Variants in DLG1 observed in about 807,000 individuals in gnomAD.
DLG1 encodes discs large MAGUK scaffold protein 1, also known as disks large homolog 1.
DLG1 carries 42 observed loss-of-function variants against 123.4 expected under a neutral mutation model. That is an observed-to-expected ratio of 0.34 (90% CI 0.27 to 0.44). The LOEUF is 0.44. Ranked by LOEUF, DLG1 falls within the 20% of genes least tolerant of loss-of-function variation. The pLI is 1.00. For missense variants in DLG1, 942 were observed against 1,082.6 expected (o/e 0.87, Z 1.82); for synonymous variants, 317 against 356.2 (o/e 0.89, Z 1.24).
chr3:197,155,887 T>C (rs1796208616), intron 5 of DLG1, among the ~76,000 whole-genome samples: 1 of 152,182 alleles, frequency 6.6e-6, no homozygotes, highest in African/African-American at 2.4e-5. Flanking sequence ...AGGTTGAGGC[T>C]GCAGTGAGCT....
chr3:197,229,585 T>C (rs995736712), intron 4 of DLG1, among the ~76,000 whole-genome samples: 4 of 152,152 alleles, frequency 2.6e-5, no homozygotes, highest in African/African-American at 4.8e-5. Flanking sequence ...CCTCGTTGGA[T>C]ATTAATCAGT....
chr3:197,115,454 C>T (rs1772708486), intron 13 of DLG1, among the ~76,000 whole-genome samples: 2 of 151,222 alleles, frequency 1.3e-5, no homozygotes, highest in African/African-American at 4.9e-5. Context: ...ATGTTCATTA[C>T]ATAATAACAA....
chr3:197,248,680 G>A (rs1036748060), intron 4 of DLG1, among the ~76,000 whole-genome samples: 4 of 152,216 alleles, frequency 2.6e-5, no homozygotes, highest in Non-Finnish European at 4.4e-5. Context: ...AATCTAAACT[G>A]ATCCCGACTG....
intron 4 of DLG1, among the ~76,000 whole-genome samples, chr3:197,200,867 C>T (rs892767011): frequency 6.6e-6 from 1 of 152,104 alleles, no homozygotes; most frequent in Admixed American, 6.6e-5. Context: ...AACACACCCA[C>T]AGTCAACATT....
intron 23 of DLG1, among the ~76,000 whole-genome samples, chr3:197,053,203 T>C (rs1460828699): frequency 1.3e-5 from 2 of 152,220 alleles, no homozygotes; most frequent in African/African-American, 4.8e-5. Flanking sequence ...CTTCAATATT[T>C]TGCCATTAAT....
intron 4 of DLG1, among the ~76,000 whole-genome samples, chr3:197,279,914 C>T (rs575485413): frequency 2.6e-4 from 39 of 152,212 alleles, no homozygotes; most frequent in African/African-American, 8.4e-4. Context: ...ATATTTGGTA[C>T]GTGCATACAA....
chr3:197,274,208 T>C (rs1289754413), intron 4 of DLG1, among the ~76,000 whole-genome samples: 4 of 152,134 alleles, frequency 2.6e-5, no homozygotes, highest in South Asian at 2.1e-4. Flanking sequence ...ACTACAAAGC[T>C]ACAGTCACCA....
At chr3:197,267,232 C>T (rs1365975017) in intron 4 of DLG1, among the ~76,000 whole-genome samples, 1 of 152,046 alleles carries the variant, frequency 6.6e-6, no homozygotes, top group Non-Finnish European at 1.5e-5. Flanking sequence ...TGAAGGAAAA[C>T]CAACAGGTCA....
chr3:197,081,751 T>C (rs1290256137), intron 16 of DLG1, among the ~76,000 whole-genome samples: 3 of 152,180 alleles, frequency 2.0e-5, no homozygotes, highest in South Asian at 2.1e-4. Context: ...TCTTTACCCC[T>C]ATGGAGGTGA....
intron 4 of DLG1, among the ~76,000 whole-genome samples, chr3:197,234,441 TCTTA>T (rs1435571094): frequency 1.3e-5 from 2 of 152,200 alleles, no homozygotes; most frequent in Admixed American, 1.3e-4. Context: ...TGACTGGAGA[TCTTA>T]CTTTTGAAAA....
chr3:197,081,207 G>A, intron 16 of DLG1, 90 bp from the exon 17 acceptor site: 1 of 1,207,458 alleles, frequency 8.3e-7, no homozygotes, highest in East Asian at 2.4e-5. Context: ...TTTATAATGG[G>A]CATTTTTATA....
At chr3:197,116,170 A>G (rs923266970) in intron 12 of DLG1, 87 bp from the exon 13 acceptor site, 42 of 1,045,664 alleles carry the variant, frequency 4.0e-5, no homozygotes, top group Non-Finnish European at 5.8e-5. Context: ...GATAATTTTT[A>G]TGTTATCAAA....
At chr3:197,281,701 G>C (rs1248020991) in intron 4 of DLG1, among the ~76,000 whole-genome samples, 1 of 152,158 alleles carries the variant, frequency 6.6e-6, no homozygotes, top group African/African-American at 2.4e-5. Flanking sequence ...CTGTGAGTTG[G>C]GTGTTAAGAG....
Position 197,293,603 on chromosome 3 carries a change from A to AG in DLG1, c.151+2742dup, listed in dbSNP as rs368637492. On this transcript the variant is annotated intron_variant, in intron 3 of 24. Coordinates refer to ENST00000667157, the MANE Select transcript of DLG1 (RefSeq NM_001366207.1). ...GGAACCTAATCTATGTATCAACTAC[A>AG]GGGGGGGACACCAAACCCCTAGAGA... is the stretch of plus-strand genomic sequence containing the variant. Among the ~76,000 whole-genome samples the AG allele has an allele frequency of 9.1e-3, 1,296 of 141,868 alleles. 16 individuals are homozygous for AG. The highest frequency in any genetic ancestry group is 0.014 in the Non-Finnish European group (938 of 65,124). 93.1% of individuals were successfully genotyped at this position (141,868 alleles called of 152,430 possible). A position where few individuals can be genotyped will look rare whatever the true frequency, so the allele number is the denominator to read the frequency against.
chr3:197,142,822 G>T, intron 6 of DLG1, 54 bp from the exon 7 acceptor site: 1 of 1,454,888 alleles, frequency 6.9e-7, no homozygotes, highest in Non-Finnish European at 9.4e-7. Context: ...AATCCAAAAT[G>T]GCAAGGCAAA....
At chr3:197,091,063 T>C in intron 14 of DLG1, 37 bp from the exon 15 acceptor site, 2 of 1,398,360 alleles carry the variant, frequency 1.4e-6, no homozygotes, top group South Asian at 2.3e-5. Context: ...TGATATATTT[T>C]CAAAAAATAA....
intron 4 of DLG1, among the ~76,000 whole-genome samples, chr3:197,255,544 T>G (rs528651843): frequency 6.6e-6 from 1 of 152,294 alleles, no homozygotes; most frequent in Non-Finnish European, 1.5e-5. Context: ...AATTAGTGGA[T>G]ATGTACACAA....
At position 197,117,560 on chromosome 3, in the gene DLG1, A is replaced by G. The variant is rs117909542; in HGVS notation, c.1287-1477T>C. ...AGTGTATCTTGACAACATAAGTGAA[A>G]TAGGCCAGTCACAAAAGGACAAATA... On this transcript the variant is annotated intron_variant, in intron 12 of 24. Transcript: ENST00000667157. Among the ~76,000 whole-genome samples, 88 of 152,338 alleles carry G rather than the reference A, an allele frequency of 5.8e-4. 1 individual carries two copies. The East Asian group carries it at 0.014, about 25-fold the overall frequency.
intron 5 of DLG1, among the ~76,000 whole-genome samples, chr3:197,157,271 A>G (rs563632036): frequency 4.2e-4 from 64 of 152,342 alleles, no homozygotes; most frequent in African/African-American, 1.4e-3. Context: ...TCTTATATGT[A>G]AAACACCCTA....
Sources: allele counts gnomAD v4.1 joint callset (sites outside exome capture counted in the v4.1 genomes callset), GRCh38; gene constraint gnomAD v4.1.1; transcripts MANE v1.5; gene names NCBI Gene and HGNC (gene_info 2026-07-23, HGNC 2026-07-21).